The following PRCP variants were observed in gnomAD, a reference collection of about 807,000 sequenced individuals.
The protein encoded by PRCP is lysosomal Pro-X carboxypeptidase.
In PRCP, 46 loss-of-function variants were observed where a neutral mutation model predicts 54.2. That is an observed-to-expected ratio of 0.85 (90% confidence interval 0.67 to 1.09). The LOEUF (loss-of-function observed/expected upper bound fraction) is 1.09, where lower values mean the gene tolerates loss of function less well. PRCP is among the 50% of genes least tolerant of loss of function. The pLI, the probability that PRCP is intolerant of heterozygous loss-of-function variation, is 0.00. For missense variants in PRCP, 613 were observed against 596.8 expected, an observed-to-expected ratio of 1.03 and a Z score of -0.28; for synonymous variants, 240 against 212.2, an observed-to-expected ratio of 1.13 and a Z score of -1.14.
chr11:82,894,929 A>G (rs1265805530), intron 1 of PRCP, among the ~76,000 whole-genome samples: 1 of 152,186 alleles, frequency 6.6e-6, no homozygotes, highest in Non-Finnish European at 1.5e-5. Context: ...ATAGTTTCAT[A>G]TGCTTCTTTT....
intron 7 of PRCP, 132 bp downstream of exon 7, chr11:82,839,129 A>G (rs544781156): frequency 1.1e-5 from 9 of 841,568 alleles, no homozygotes; most frequent in African/African-American, 6.9e-5. Context: ...CCATAGTATC[A>G]CAGCATAAGG....
intron 1 of PRCP, among the ~76,000 whole-genome samples, chr11:82,891,295 C>A (rs1449530572): frequency 6.6e-6 from 1 of 152,132 alleles, no homozygotes; most frequent in Non-Finnish European, 1.5e-5. Flanking sequence ...CAAAAATATC[C>A]AGAATCTGAG....
intron 8 of PRCP, chr11:82,826,831 ACT>A (rs1360792050): frequency 1.3e-5 from 2 of 152,130 alleles, no homozygotes; most frequent in Non-Finnish European, 1.5e-5. Context: ...GAGAGCTCAC[ACT>A]CTCTTAACTT....
At chr11:82,855,929 C>A (rs760346095) in intron 2 of PRCP, among the ~76,000 whole-genome samples, 2 of 152,294 alleles carry the variant, frequency 1.3e-5, no homozygotes, top group South Asian at 2.1e-4. Flanking sequence ...TCAGCCACTA[C>A]GGAAAGCAGT....
rs758069779 is a variant in PRCP, at chr11:82,850,055, C to A, written c.610G>T (p.Ala204Ser). ...HMVVGALAAS[A>S]PIWQFEDLVP... is the part of the protein sequence containing the mutation. ...AAATCCTCAAACTGCCAGATAGGGG[C>A]AGAAGCTGCAAGAGCTCTAAATGGC... The change falls in exon 5 of 9, where the codon GCC (alanine) becomes TCC (serine). Residue 204 changes from alanine (A) to serine (S), a missense_variant. By Grantham distance (99) the Ala-to-Ser change is moderately conservative. Transcript: ENST00000313010. 6.3e-6 allele frequency: 9 copies of A among 1,419,582 alleles called. No individual in the cohort carries two copies. The South Asian group carries it at 1.6e-4, about 25-fold the overall frequency. The allele number at this position is 1,419,582 out of a possible 1,614,324, so 87.9% of individuals were successfully genotyped here.
At chr11:82,835,809 A>G in intron 8 of PRCP, 2 of 498,860 alleles carry the variant, frequency 4.0e-6, no homozygotes, top group South Asian at 3.0e-5. Context: ...AGTGATGTTC[A>G]AGAACCAGAT....
chr11:82,868,895 G>C (rs796306228), intron 1 of PRCP, among the ~76,000 whole-genome samples: 2 of 152,130 alleles, frequency 1.3e-5, no homozygotes, highest in African/African-American at 2.4e-5. Context: ...AATTAGCCAG[G>C]CATGGTGATA....
intron 5 of PRCP, 138 bp downstream of exon 5, chr11:82,849,776 A>T: frequency 1.3e-6 from 1 of 792,878 alleles, no homozygotes; most frequent in Non-Finnish European, 1.7e-6. Flanking sequence ...ACGCATTTTG[A>T]TTTGATTTTG....
chr11:82,883,249 G>A lies in PRCP; in HGVS notation c.168+16986C>T, dbSNP rs143281143. 3.9e-3 allele frequency among the ~76,000 whole-genome samples: 597 copies of A among 152,294 alleles called. 23 individuals carry two copies. The highest frequency in any genetic ancestry group is 0.026 in the Admixed American group (398 of 15,304). The stretch of plus-strand genomic sequence containing the variant: ...AGAGGCACAAAGAGGATAGTAGTCA[G>A]TTACCCAGCCCATGGCAGGGAGGCA... On this transcript the variant is annotated intron_variant, in intron 1 of 8. Coordinates refer to ENST00000313010, the MANE Select transcript of PRCP (RefSeq NM_005040.4).
chr11:82,835,931 G>A, intron 8 of PRCP: 1 of 354,600 alleles, frequency 2.8e-6, no homozygotes, highest in Middle Eastern at 1.0e-3. Flanking sequence ...GGTGGCTCAT[G>A]CCTGTAGTCC....
chr11:82,877,214 G>T (rs1859625850), intron 1 of PRCP, among the ~76,000 whole-genome samples: 1 of 152,196 alleles, frequency 6.6e-6, no homozygotes, highest in Non-Finnish European at 1.5e-5. Context: ...TGTGACTTGG[G>T]TGCTGTTAAA....
At chr11:82,860,425 G>A (rs909854389) in intron 1 of PRCP, among the ~76,000 whole-genome samples, 2 of 151,972 alleles carry the variant, frequency 1.3e-5, no homozygotes, top group Non-Finnish European at 2.9e-5. Context: ...TAAATACAAT[G>A]TGAACCCTTT....
intron 1 of PRCP, among the ~76,000 whole-genome samples, chr11:82,884,155 C>T (rs1859813117): frequency 6.6e-6 from 1 of 152,228 alleles, no homozygotes; most frequent in South Asian, 2.1e-4. Context: ...TTCCTATCTG[C>T]TGAATCACAG....
chr11:82,876,426 C>A (rs1157179963), intron 1 of PRCP, among the ~76,000 whole-genome samples: 2 of 152,196 alleles, frequency 1.3e-5, no homozygotes, highest in East Asian at 1.9e-4. Context: ...AAGTACATTA[C>A]AACCATATGT....
At chr11:82,841,816 G>A (rs987343104) in intron 6 of PRCP, among the ~76,000 whole-genome samples, 11 of 152,034 alleles carry the variant, frequency 7.2e-5, no homozygotes, top group African/African-American at 2.4e-4. Flanking sequence ...AACATTCCTA[G>A]GAAATATGTC....
intron 1 of PRCP, among the ~76,000 whole-genome samples, chr11:82,874,258 A>G (rs1394562058): frequency 6.6e-6 from 1 of 152,216 alleles, no homozygotes; most frequent in Non-Finnish European, 1.5e-5. Flanking sequence ...AGTGCCTACC[A>G]TGGGATAAGT....
intron 1 of PRCP, among the ~76,000 whole-genome samples, chr11:82,886,749 A>G (rs939608098): frequency 1.3e-5 from 2 of 152,160 alleles, no homozygotes; most frequent in African/African-American, 4.8e-5. Flanking sequence ...TCAGCCTCTG[A>G]GCCCTTTTTC....
At chr11:82,850,247 G>A (rs1858919351) in intron 4 of PRCP, 77 bp downstream of exon 4, 4 of 1,326,902 alleles carry the variant, frequency 3.0e-6, no homozygotes, top group Admixed American at 5.8e-5. Context: ...CATGGAACAT[G>A]TTTTACCCAA....
At chr11:82,861,734 A>G (rs1859211588) in intron 1 of PRCP, among the ~76,000 whole-genome samples, 1 of 152,236 alleles carries the variant, frequency 6.6e-6, no homozygotes, top group Non-Finnish European at 1.5e-5. Flanking sequence ...TTACAAGACA[A>G]TTGACAAGGC....
Sources: allele counts gnomAD v4.1 joint callset (sites outside exome capture counted in the v4.1 genomes callset), GRCh38; gene constraint gnomAD v4.1.1; transcripts MANE v1.5; gene names NCBI Gene and HGNC (gene_info 2026-07-23, HGNC 2026-07-21).